The following SCN4B variants were observed in gnomAD, a reference collection of about 807,000 sequenced individuals.
The protein encoded by SCN4B is sodium channel regulatory subunit beta-4.
Under a neutral mutation model 19.6 loss-of-function variants are expected in SCN4B, and 20 were observed. The ratio of observed to expected loss-of-function variants is 1.02; its 90% CI spans 0.72 to 1.48. SCN4B has a LOEUF of 1.48. SCN4B is among the 40% of genes most tolerant of loss of function. The pLI, the probability that SCN4B is intolerant of heterozygous loss-of-function variation, is 0.00. For synonymous variants in SCN4B, 127 were observed against 122.8 expected, an observed-to-expected ratio of 1.03 and a Z score of -0.22; for missense variants, 271 against 287.5, an observed-to-expected ratio of 0.94 and a Z score of 0.42.
intron 3 of SCN4B, among the ~76,000 whole-genome samples, chr11:118,142,268 C>T (rs1214111883): frequency 1.3e-5 from 2 of 152,194 alleles, no homozygotes; most frequent in Non-Finnish European, 1.5e-5. Context: ...TGACCTGACT[C>T]ATCTCTCACT....
intron 2 of SCN4B, 63 bp downstream of exon 2, chr11:118,144,994 G>T: frequency 1.3e-6 from 2 of 1,523,202 alleles, no homozygotes; most frequent in Non-Finnish European, 1.8e-6. Flanking sequence ...AGGGACCAGA[G>T]CGTAGGAGGC....
chr11:118,151,056 G>GA (rs1312709802), intron 1 of SCN4B, among the ~76,000 whole-genome samples: 1 of 152,090 alleles, frequency 6.6e-6, no homozygotes, highest in Non-Finnish European at 1.5e-5. Context: ...ACAGTCCTTG[G>GA]AGAAGGTGGG....
rs765831490 is a variant in SCN4B, at chr11:118,136,044, G to GT, written c.*982_*983insA. 16 of 436,108 alleles carry GT rather than the reference G, an allele frequency of 3.7e-5. No homozygotes were observed. Among genetic ancestry groups the GT allele is most frequent in the South Asian group, 2.6e-4 (16 of 62,088 alleles). The allele number at this position is 436,108 out of a possible 1,614,324, so 27.0% of individuals were successfully genotyped here. A position where few individuals can be genotyped will look rare whatever the true frequency, so the allele number is the denominator to read the frequency against. ...GCGTGATGGAGGGCACGGTGGGGGGGGGGGAGCGAGCCAATGGGAGGTTGG... is the reference window on the plus strand; with the variant it reads ...GCGTGATGGAGGGCACGGTGGGGGGGTGGGGAGCGAGCCAATGGGAGGTTGG... On this transcript the variant is annotated 3_prime_UTR_variant, in exon 5 of 5. Coordinates refer to ENST00000324727, the MANE Select transcript of SCN4B (RefSeq NM_174934.4).
intron 4 of SCN4B, among the ~76,000 whole-genome samples, chr11:118,138,488 C>G (rs1448306321): frequency 6.6e-6 from 1 of 152,198 alleles, no homozygotes; most frequent in African/African-American, 2.4e-5. Flanking sequence ...CCATCTCTCT[C>G]TCTCTGTCTC....
In SCN4B at chr11:118,135,314, C is replaced by T. The variant is rs916744904; in HGVS notation, c.*1713G>A. The T allele has an allele frequency of 4.4e-6, 2 of 453,984 alleles. No individual in the cohort carries two copies. Among genetic ancestry groups the T allele is most frequent in the Non-Finnish European group, 8.8e-6 (2 of 226,786 alleles). The allele number at this position is 453,984 out of a possible 1,614,324, so 28.1% of individuals were successfully genotyped here. A position where few individuals can be genotyped will look rare whatever the true frequency, so the allele number is the denominator to read the frequency against. ...GTACTACTGGTCCTCAGTCTCCCCC[C>T]ACTCCACCCTTGCGAGGCTTGCAGC... On this transcript the variant is annotated 3_prime_UTR_variant, in exon 5 of 5. Coordinates refer to ENST00000324727, the MANE Select transcript of SCN4B (RefSeq NM_174934.4).
Position 118,137,120 on chromosome 11 carries a change from C to T in SCN4B, c.594G>A (p.Lys198=), listed in dbSNP as rs1948025987. The change falls in exon 5 of 5, where the codon AAG becomes AAA. Residue 198 remains lysine (K), a splice_region_variant and synonymous_variant. Transcript: ENST00000324727. ...CCGAGGAGCTCACGAGACACTCCTT[C>T]CTGGAGAGGGAGAGAGAAGGGACAG... The part of the protein sequence containing the change: ...IFILKKTREK[K]KECLVSSSGN... The T allele has an allele frequency of 5.0e-6, 8 of 1,610,108 alleles. No individual in the cohort carries two copies. The highest frequency in any genetic ancestry group is 6.0e-6 in the Non-Finnish European group (7 of 1,176,372).
rs1565451667 is a variant in SCN4B, at chr11:118,135,165, G to C, written c.*1862C>G. Reference sequence around the variant, plus strand: ...TGCTCCCAAAGCCAGGAAAATCTGAGCCCCAGCCCATGACAGGTTCTGGGT... The same window carrying C: ...TGCTCCCAAAGCCAGGAAAATCTGACCCCCAGCCCATGACAGGTTCTGGGT... On this transcript the variant is annotated 3_prime_UTR_variant, in exon 5 of 5. Transcript: ENST00000324727. 4 of 454,132 alleles carry C rather than the reference G, an allele frequency of 8.8e-6. No homozygotes were observed. Among genetic ancestry groups the C allele is most frequent in the South Asian group, 6.2e-5 (4 of 64,480 alleles). The allele number at this position is 454,132 out of a possible 1,614,324, so 28.1% of individuals were successfully genotyped here.
At chr11:118,137,917 T>C (rs895933167) in intron 4 of SCN4B, among the ~76,000 whole-genome samples, 1 of 151,872 alleles carries the variant, frequency 6.6e-6, no homozygotes, top group Non-Finnish European at 1.5e-5. Flanking sequence ...ACAGAGTCCA[T>C]GGAAGGGGCA....
At position 118,135,263 on chromosome 11, in the gene SCN4B, T is replaced by C. The variant is rs1947978818; in HGVS notation, c.*1764A>G. 2 of 453,796 alleles carry C rather than the reference T, an allele frequency of 4.4e-6. No individual in the cohort carries two copies. The highest frequency in any genetic ancestry group is 2.0e-5 in the African/African-American group (1 of 49,974). 28.1% of individuals were successfully genotyped at this position (453,796 alleles called of 1,614,324 possible). On this transcript the variant is annotated 3_prime_UTR_variant, in exon 5 of 5. Transcript: ENST00000324727. ...GCCCAGCAGGTTGGCTAAGGGACAC[T>C]GGCCACAGCCACGGGCACCCTGCAG...
At position 118,133,988 on chromosome 11, in the gene SCN4B, T is replaced by G. The variant is rs1947954854; in HGVS notation, c.*3039A>C. Reference sequence around the variant, plus strand: ...GAGCCCATCCACTCCACAGTTACGCTGCCATGCACCCACACTGCCTGCACA... The same window carrying G: ...GAGCCCATCCACTCCACAGTTACGCGGCCATGCACCCACACTGCCTGCACA... On this transcript the variant is annotated 3_prime_UTR_variant, in exon 5 of 5. Coordinates refer to ENST00000324727, the MANE Select transcript of SCN4B (RefSeq NM_174934.4). The G allele has an allele frequency of 2.2e-6, 1 of 454,568 alleles. No homozygotes were observed. Among genetic ancestry groups the G allele is most frequent in the African/African-American group, 2.0e-5 (1 of 49,992 alleles). The allele number at this position is 454,568 out of a possible 1,614,324, so 28.2% of individuals were successfully genotyped here. A position where few individuals can be genotyped will look rare whatever the true frequency, so the allele number is the denominator to read the frequency against.
At chr11:118,138,976 C>T (rs915004652) in intron 4 of SCN4B, among the ~76,000 whole-genome samples, 16 of 152,128 alleles carry the variant, frequency 1.1e-4, no homozygotes, top group Admixed American at 6.5e-5. Context: ...GGCTTCCCTA[C>T]GGTCTGTCCC....
intron 2 of SCN4B, 142 bp from the exon 3 acceptor site, chr11:118,144,203 T>TC (rs1365668748): frequency 1.1e-5 from 7 of 654,492 alleles, no homozygotes; most frequent in South Asian, 5.2e-5. Context: ...CCCTGCTCCT[T>TC]CCCCCCATGG....
In SCN4B at chr11:118,145,112, C is replaced by A. The variant is rs1948154245; in HGVS notation, c.179G>T (p.Gly60Val). The change falls in exon 2 of 5, where the codon GGC becomes GTC. Residue 60 changes from glycine to valine, a missense_variant. By Grantham distance (109) the Gly-to-Val change is moderately radical. Transcript: ENST00000324727. ...CCACCGGAAGTGGAGGTCCTCGAAG[C>A]CAAAGCAGCTGGAGAAGGTGCAGGG... ...LLPCTFSSCFGFEDLHFRWTY... is the reference protein window; with the variant it reads ...LLPCTFSSCFVFEDLHFRWTY... 1 of 1,614,014 alleles carries A rather than the reference C, an allele frequency of 6.2e-7. No individual in the cohort carries two copies. The highest frequency in any genetic ancestry group is 8.5e-7 in the Non-Finnish European group (1 of 1,180,040).
intron 4 of SCN4B, among the ~76,000 whole-genome samples, chr11:118,140,404 C>A (rs1156609863): frequency 6.6e-6 from 1 of 152,188 alleles, no homozygotes; most frequent in Non-Finnish European, 1.5e-5. Context: ...CTCAGCAGAG[C>A]AGAATGTTTC....
Position 118,141,061 on chromosome 11 carries a change from G to A in SCN4B, c.593+146C>T, listed in dbSNP as rs668468. 0.65 allele frequency: 554,422 copies of A among 849,614 alleles called. 183,124 individuals carry two copies. Among genetic ancestry groups the A allele is most frequent in the East Asian group, 0.82 (33,681 of 41,008 alleles). 52.6% of individuals were successfully genotyped at this position (849,614 alleles called of 1,614,324 possible). ...CGATGAGGAAGGGGCTGAGAGATGG[G>A]GAGGGGGTGGCAGGGATAGAACAGA... On this transcript the variant is annotated intron_variant, in intron 4 of 4. Coordinates refer to ENST00000324727, the MANE Select transcript of SCN4B (RefSeq NM_174934.4).
chr11:118,152,154 C>G (rs1371214556), intron 1 of SCN4B, among the ~76,000 whole-genome samples: 1 of 152,152 alleles, frequency 6.6e-6, no homozygotes, highest in Admixed American at 6.5e-5. Context: ...GGGACTCCCC[C>G]ACCCCCAACT....
At chr11:118,137,197 C>CT in intron 4 of SCN4B, 77 bp from the exon 5 acceptor site, 2 of 1,080,246 alleles carry the variant, frequency 1.9e-6, no homozygotes, top group Non-Finnish European at 2.8e-6. Flanking sequence ...GAGCCGTGGG[C>CT]CCTGCACCCA....
chr11:118,144,426 G>A (rs1283258995), intron 2 of SCN4B, among the ~76,000 whole-genome samples: 1 of 152,070 alleles, frequency 6.6e-6, no homozygotes, highest in Admixed American at 6.6e-5. Flanking sequence ...CATGTCACCT[G>A]CCCAACTGAA....
chr11:118,135,858 C>T lies in SCN4B; in HGVS notation c.*1169G>A, dbSNP rs565945137. The T allele has an allele frequency of 2.4e-5, 11 of 454,426 alleles. No individual in the cohort carries two copies. Among genetic ancestry groups the T allele is most frequent in the South Asian group, 1.4e-4 (9 of 64,472 alleles). 28.1% of individuals were successfully genotyped at this position (454,426 alleles called of 1,614,324 possible). A position where few individuals can be genotyped will look rare whatever the true frequency, so the allele number is the denominator to read the frequency against. ...GAAGCAAAGGAAAACTGTGGGCACC[C>T]ACTCCCTGCTCCTCCCCAACCCCAG... is the stretch of plus-strand genomic sequence containing the variant. On this transcript the variant is annotated 3_prime_UTR_variant, in exon 5 of 5. Coordinates refer to ENST00000324727, the MANE Select transcript of SCN4B (RefSeq NM_174934.4).
Sources: allele counts gnomAD v4.1 joint callset (sites outside exome capture counted in the v4.1 genomes callset), GRCh38; gene constraint gnomAD v4.1.1; transcripts MANE v1.5; gene names NCBI Gene and HGNC (gene_info 2026-07-23, HGNC 2026-07-21).